SMIM15: variants seen among roughly 807,000 people sequenced by gnomAD.
The protein encoded by SMIM15 is UPF0542 protein C5orf43.
SMIM15 carries 5 observed loss-of-function variants against 6.8 expected under a neutral mutation model. The observed-to-expected ratio is 0.74, with a 90% CI of 0.39 to 1.56. SMIM15 has a LOEUF of 1.56. Ranked by LOEUF, SMIM15 falls within the 40% of genes most tolerant of loss-of-function variation. The pLI, the probability that SMIM15 is intolerant of heterozygous loss-of-function variation, is 0.03. For synonymous variants in SMIM15, 30 were observed against 30.8 expected (o/e 0.97, Z 0.09); for missense variants, 81 against 84.8 (o/e 0.96, Z 0.18).
At chr5:61,161,888 T>C (rs1741424573) in intron 1 of SMIM15, among the ~76,000 whole-genome samples, 1 of 152,162 alleles carries the variant, frequency 6.6e-6, no homozygotes, top group African/African-American at 2.4e-5. Flanking sequence ...ACTACTGAGA[T>C]CGATCTGCCT....
Position 61,159,997 on chromosome 5 carries a change from G to T in SMIM15, c.175C>A (p.Gln59Lys). The T allele has an allele frequency of 6.2e-7, 1 of 1,613,094 alleles. No homozygotes were observed. The highest frequency in any genetic ancestry group is 8.5e-7 in the Non-Finnish European group (1 of 1,179,812). Reference sequence around the variant, plus strand: ...TTTGCAATGTTTTCTTGGCGTTTTTGCTTCTTCTTTTGCTCCTTCTCCCTG... The same window carrying T: ...TTTGCAATGTTTTCTTGGCGTTTTTTCTTCTTCTTTTGCTCCTTCTCCCTG... Reference protein sequence around the residue: ...EAREKEQKKKQKRQENIAKAK... With the variant: ...EAREKEQKKKKKRQENIAKAK... Residue 59 changes from glutamine to lysine, a missense_variant, in exon 3 of 3, where the codon CAA becomes AAA. Coordinates refer to ENST00000339020, the MANE Select transcript of SMIM15 (RefSeq NM_001048249.4).
Position 61,159,672 on chromosome 5 carries a change from C to G in SMIM15, c.*275G>C. On this transcript the variant is annotated 3_prime_UTR_variant, in exon 3 of 3. Coordinates refer to ENST00000339020, the MANE Select transcript of SMIM15 (RefSeq NM_001048249.4). ...TGTTTTCATTTCAGTATATAAACTG[C>G]TAAGCGGCAAATGACTAAGTCAGTT... 2.4e-6 allele frequency: 1 copy of G among 419,304 alleles called. No individual in the cohort carries two copies. The highest frequency in any genetic ancestry group is 2.0e-5 in the African/African-American group (1 of 50,016). 26.0% of individuals were successfully genotyped at this position (419,304 alleles called of 1,614,324 possible). A position where few individuals can be genotyped will look rare whatever the true frequency, so the allele number is the denominator to read the frequency against.
In SMIM15 at chr5:61,159,594, A is replaced by G; in HGVS notation, c.*353T>C. On this transcript the variant is annotated 3_prime_UTR_variant, in exon 3 of 3. Transcript: ENST00000339020. ...TGTCCAAAATAGGACCCCATTTTAA[A>G]TAGAGTTCATTTGAATTGAGTTCAT... 1 of 254,378 alleles carries G rather than the reference A, an allele frequency of 3.9e-6. No individual in the cohort carries two copies. The highest frequency in any genetic ancestry group is 7.6e-6 in the Non-Finnish European group (1 of 131,248). The allele number at this position is 254,378 out of a possible 1,614,324, so 15.8% of individuals were successfully genotyped here.
At chr5:61,160,865 T>C (rs1468498845) in intron 2 of SMIM15, among the ~76,000 whole-genome samples, 2 of 152,218 alleles carry the variant, frequency 1.3e-5, no homozygotes, top group Admixed American at 1.3e-4. Flanking sequence ...CCTTAACAGA[T>C]GCCATGTGTT....
At position 61,159,934 on chromosome 5, in the gene SMIM15, C is replaced by A. The variant is rs774011591; in HGVS notation, c.*13G>T. 3 of 1,611,546 alleles carry A rather than the reference C, an allele frequency of 1.9e-6. No homozygotes were observed. The highest frequency in any genetic ancestry group is 1.7e-6 in the Non-Finnish European group (2 of 1,179,792). Reference sequence around the variant, plus strand: ...AAATGATTTTCCTCTGGTTGCAAAGCCTGTTCAGTCCTTCAATCCTTTTTT... The same window carrying A: ...AAATGATTTTCCTCTGGTTGCAAAGACTGTTCAGTCCTTCAATCCTTTTTT... On this transcript the variant is annotated 3_prime_UTR_variant, in exon 3 of 3. Coordinates refer to ENST00000339020, the MANE Select transcript of SMIM15 (RefSeq NM_001048249.4).
chr5:61,158,403 G>T lies in SMIM15; in HGVS notation c.*1544C>A, dbSNP rs1296579862. ...GTGTTGCTCACACTGGCACCAAGTA[G>T]AGACTGATAATCTAAAAGAATAGCA... On this transcript the variant is annotated 3_prime_UTR_variant, in exon 3 of 3. Transcript: ENST00000339020. 1 of 152,026 alleles carries T rather than the reference G, an allele frequency of 6.6e-6. No individual in the cohort carries two copies. The highest frequency in any genetic ancestry group is 1.5e-5 in the Non-Finnish European group (1 of 67,996). 9.4% of individuals were successfully genotyped at this position (152,026 alleles called of 1,614,324 possible).
chr5:61,159,782 T>C lies in SMIM15; in HGVS notation c.*165A>G. ...AACTTCTACACCCACGCCTAAAAGTTACTATAGTATTGAGGTCAGAACTAA... is the reference window on the plus strand; with the variant it reads ...AACTTCTACACCCACGCCTAAAAGTCACTATAGTATTGAGGTCAGAACTAA... On this transcript the variant is annotated 3_prime_UTR_variant, in exon 3 of 3. Transcript: ENST00000339020. 1 of 726,700 alleles carries C rather than the reference T, an allele frequency of 1.4e-6. No homozygotes were observed. 45.0% of individuals were successfully genotyped at this position (726,700 alleles called of 1,614,324 possible).
intron 1 of SMIM15, among the ~76,000 whole-genome samples, chr5:61,161,853 C>T (rs1741423236): frequency 6.6e-6 from 1 of 152,126 alleles, no homozygotes; most frequent in African/African-American, 2.4e-5. Flanking sequence ...TTCATACGAC[C>T]TCACCCATAC....
chr5:61,158,545 C>A lies in SMIM15; in HGVS notation c.*1402G>T. ...GTAACTGAAATTCTAACTTGCATAA[C>A]ATAATGTAACTTAAAATGTTAGTTC... On this transcript the variant is annotated 3_prime_UTR_variant, in exon 3 of 3. Coordinates refer to ENST00000339020, the MANE Select transcript of SMIM15 (RefSeq NM_001048249.4). 1 of 143,756 alleles carries A rather than the reference C, an allele frequency of 7.0e-6. No homozygotes were observed. Among genetic ancestry groups the A allele is most frequent in the South Asian group, 2.2e-4 (1 of 4,540 alleles). The allele number at this position is 143,756 out of a possible 1,614,324, so 8.9% of individuals were successfully genotyped here.
At position 61,158,120 on chromosome 5, in the gene SMIM15, T is replaced by C. The variant is rs185149570; in HGVS notation, c.*1827A>G. 1 of 152,084 alleles carries C rather than the reference T, an allele frequency of 6.6e-6. No homozygotes were observed. Among genetic ancestry groups the C allele is most frequent in the African/African-American group, 2.4e-5 (1 of 41,492 alleles). The allele number at this position is 152,084 out of a possible 1,614,324, so 9.4% of individuals were successfully genotyped here. A position where few individuals can be genotyped will look rare whatever the true frequency, so the allele number is the denominator to read the frequency against. On this transcript the variant is annotated 3_prime_UTR_variant, in exon 3 of 3. Transcript: ENST00000339020. ...ATGTCAAACAAATACAAAACTGGCATGTGTTAAGACTAATAAATTATAGAA... is the reference window on the plus strand; with the variant it reads ...ATGTCAAACAAATACAAAACTGGCACGTGTTAAGACTAATAAATTATAGAA...
chr5:61,160,030 T>A lies in SMIM15; in HGVS notation c.142A>T (p.Ile48Phe). The A allele has an allele frequency of 6.2e-7, 1 of 1,614,124 alleles. No homozygotes were observed. Among genetic ancestry groups the A allele is most frequent in the Non-Finnish European group, 8.5e-7 (1 of 1,179,998 alleles). ...AVLSWKLAKM[I>F]EAREKEQKKK... ...TTTTGCTCCTTCTCCCTGGCCTCAA[T>A]CATCTTGGCCAATTTCCAAGACAGT... Residue 48 changes from isoleucine (I) to phenylalanine (F), a missense_variant, in exon 3 of 3, where the codon ATT becomes TTT. By Grantham distance (21) the Ile-to-Phe change is conservative. Transcript: ENST00000339020.
In SMIM15 at chr5:61,160,079, A is replaced by G; in HGVS notation, c.93T>C (p.Thr31=). 6.2e-7 allele frequency: 1 copy of G among 1,614,168 alleles called. No homozygotes were observed. Among genetic ancestry groups the G allele is most frequent in the Non-Finnish European group, 8.5e-7 (1 of 1,180,014 alleles). The change falls in exon 3 of 3, where the codon ACT becomes ACC. Residue 31 remains threonine, a synonymous_variant. Transcript: ENST00000339020. The part of the protein sequence containing the change: ...GFLTTVILAL[T]PLFLASAVLS... ...GTACAGCACTTGCTAGGAACAGTGG[A>G]GTAAGGGCCAAAATAACGGTTGTAA... is the stretch of plus-strand genomic sequence containing the variant.
chr5:61,160,127 A>C lies in SMIM15; in HGVS notation c.45T>G (p.Ala15=). 1 of 1,614,194 alleles carries C rather than the reference A, an allele frequency of 6.2e-7. No homozygotes were observed. The highest frequency in any genetic ancestry group is 8.5e-7 in the Non-Finnish European group (1 of 1,180,014). The change falls in exon 3 of 3, where the codon GCT becomes GCG. Residue 15 remains alanine, a synonymous_variant. Transcript: ENST00000339020. ...KAWAEYVVEW[A]AKDPYGFLTT... is the part of the protein sequence containing the mutation. ...TAAGGAAGCCATAGGGGTCCTTTGC[A>C]GCCCATTCCACAACATACTCAGCCC... is the stretch of plus-strand genomic sequence containing the variant.
intron 1 of SMIM15, among the ~76,000 whole-genome samples, chr5:61,161,826 T>C (rs1741422688): frequency 6.6e-6 from 1 of 152,192 alleles, no homozygotes; most frequent in South Asian, 2.1e-4. Context: ...ATACGTTAAA[T>C]ATCTTAGCTC....
At chr5:61,160,248 CTA>C (rs748145671) in intron 2 of SMIM15, 49 bp from the exon 3 acceptor site, 172 of 1,373,436 alleles carry the variant, frequency 1.3e-4, no homozygotes, top group Middle Eastern at 2.0e-4. Context: ...GGAGAAAAGA[CTA>C]TGTGGTTAAT....
At position 61,160,132 on chromosome 5, in the gene SMIM15, A is replaced by T. The variant is rs778140652; in HGVS notation, c.40T>A (p.Trp14Arg). The T allele has an allele frequency of 6.2e-7, 1 of 1,614,180 alleles. No homozygotes were observed. The highest frequency in any genetic ancestry group is 8.5e-7 in the Non-Finnish European group (1 of 1,180,014). ...IKAWAEYVVE[W>R]AAKDPYGFLT... ...AAGCCATAGGGGTCCTTTGCAGCCC[A>T]TTCCACAACATACTCAGCCCAAGCC... Residue 14 changes from tryptophan (W) to arginine (R), a missense_variant, in exon 3 of 3, where the codon TGG becomes AGG. Coordinates refer to ENST00000339020, the MANE Select transcript of SMIM15 (RefSeq NM_001048249.4).
In SMIM15 at chr5:61,159,915, T is replaced by C; in HGVS notation, c.*32A>G. ...CAAAGCTGTGTAATTTTCCAAATGA[T>C]TTTCCTCTGGTTGCAAAGCCTGTTC... On this transcript the variant is annotated 3_prime_UTR_variant, in exon 3 of 3. Transcript: ENST00000339020. 6.2e-7 allele frequency: 1 copy of C among 1,607,522 alleles called. No homozygotes were observed. The highest frequency in any genetic ancestry group is 1.1e-5 in the South Asian group (1 of 90,808).
At position 61,157,917 on chromosome 5, in the gene SMIM15, T is replaced by A. The variant is rs1374190419; in HGVS notation, c.*2030A>T. The A allele has an allele frequency of 6.6e-6, 1 of 151,494 alleles. No individual in the cohort carries two copies. The highest frequency in any genetic ancestry group is 1.5e-5 in the Non-Finnish European group (1 of 67,936). The allele number at this position is 151,494 out of a possible 1,614,324, so 9.4% of individuals were successfully genotyped here. ...AGCAAATGGGATTCTTTAACAACAG[T>A]ACTCTGTTGCAGTGAGAGGTGATTT... is the stretch of plus-strand genomic sequence containing the variant. On this transcript the variant is annotated 3_prime_UTR_variant, in exon 3 of 3. Coordinates refer to ENST00000339020, the MANE Select transcript of SMIM15 (RefSeq NM_001048249.4).
rs996469452 is a variant in SMIM15 at position 61,159,261 on chromosome 5, G to C, written c.*686C>G. The C allele has an allele frequency of 2.0e-5, 3 of 152,694 alleles. No homozygotes were observed. The highest frequency in any genetic ancestry group is 4.8e-5 in the African/African-American group (2 of 41,440). 9.5% of individuals were successfully genotyped at this position (152,694 alleles called of 1,614,324 possible). ...CATCTCTAAGAAAATGGCAGTGTTT[G>C]TGAGTACAAAAATTGTTCTGTCCAG... On this transcript the variant is annotated 3_prime_UTR_variant, in exon 3 of 3. Coordinates refer to ENST00000339020, the MANE Select transcript of SMIM15 (RefSeq NM_001048249.4).
Sources: gnomAD v4.1 joint callset for allele counts (sites outside exome capture counted in the v4.1 genomes callset) on GRCh38, gnomAD v4.1.1 for gene constraint, MANE v1.5 for transcripts, NCBI Gene and HGNC (gene_info 2026-07-23, HGNC 2026-07-21) for gene names.